Variants in KDM4C observed in about 807,000 individuals in gnomAD.
KDM4C encodes lysine demethylase 4C, also known as lysine-specific demethylase 4C.
A neutral mutation model predicts 129.3 loss-of-function variants in KDM4C; 81 were observed. That is an observed-to-expected ratio of 0.63 (90% CI 0.52 to 0.75). The LOEUF (loss-of-function observed/expected upper bound fraction) is 0.75, where lower values mean the gene tolerates loss of function less well. Ranked by LOEUF, KDM4C falls within the 30% of genes least tolerant of loss-of-function variation. The pLI, the probability that KDM4C is intolerant of heterozygous loss-of-function variation, is 0.00. For synonymous variants in KDM4C, 573 were observed against 456.1 expected, an observed-to-expected ratio of 1.26 and a Z score of -3.26; for missense variants, 1,457 against 1,304.0, an observed-to-expected ratio of 1.12 and a Z score of -1.81.
rs535486249 is a variant in KDM4C at position 6,836,688 on chromosome 9, G to A, written c.436-12819G>A. Reference sequence around the variant, plus strand: ...CTTATTTTTGACCTTATTAAAAATAGTATCACTTTGTGTAGTTTTCTGGGT... The same window carrying A: ...CTTATTTTTGACCTTATTAAAAATAATATCACTTTGTGTAGTTTTCTGGGT... On this transcript the variant is annotated intron_variant, in intron 4 of 21. Coordinates refer to ENST00000381309, the MANE Select transcript of KDM4C (RefSeq NM_015061.6). Among the ~76,000 whole-genome samples, 44 of 152,288 alleles carry A rather than the reference G, an allele frequency of 2.9e-4. No individual in the cohort carries two copies. The South Asian group carries it at 8.9e-3, about 31-fold the overall frequency.
intron 4 of KDM4C, among the ~76,000 whole-genome samples, chr9:6,831,362 T>C (rs1382270525): frequency 7.8e-6 from 1 of 127,742 alleles, no homozygotes; most frequent in African/African-American, 3.5e-5. Flanking sequence ...GATGAGATCT[T>C]TTTTATTTTT....
chr9:6,802,105 C>CAA (rs34465609), intron 2 of KDM4C, among the ~76,000 whole-genome samples: 45 of 117,748 alleles, frequency 3.8e-4, no homozygotes, highest in South Asian at 1.3e-3. Flanking sequence ...AACTTTGTCT[C>CAA]AAAAAAAAAA....
intron 3 of KDM4C, among the ~76,000 whole-genome samples, chr9:6,810,946 A>G (rs1273693539): frequency 1.3e-5 from 2 of 152,168 alleles, no homozygotes; most frequent in Non-Finnish European, 2.9e-5. Context: ...AATTGTTGTA[A>G]TGTTAAACAA....
At chr9:6,807,432 G>A (rs373164655) in intron 3 of KDM4C, among the ~76,000 whole-genome samples, 24,708 of 141,838 alleles carry the variant, frequency 0.17, 2,097 homozygotes, top group Middle Eastern at 0.21. Context: ...CATCTAGGAA[G>A]TGAGGAGCGC....
chr9:6,958,202 C>G (rs1279515237), intron 8 of KDM4C, among the ~76,000 whole-genome samples: 1 of 151,790 alleles, frequency 6.6e-6, no homozygotes, highest in Non-Finnish European at 1.5e-5. Flanking sequence ...CCTGTTAACT[C>G]TGCAGTCTTG....
At chr9:6,807,096 G>C (rs900230890) in intron 3 of KDM4C, among the ~76,000 whole-genome samples, 1 of 151,936 alleles carries the variant, frequency 6.6e-6, no homozygotes, top group Non-Finnish European at 1.5e-5. Flanking sequence ...CGCTGTGTTG[G>C]CCGGGCCGGT....
chr9:6,777,979 G>A (rs1412230921), intron 1 of KDM4C, among the ~76,000 whole-genome samples: 1 of 150,440 alleles, frequency 6.6e-6, no homozygotes, highest in African/African-American at 2.5e-5. Context: ...GGAGTGCAGT[G>A]GCAAAATCAT....
At chr9:7,018,832 C>G (rs979213362) in intron 15 of KDM4C, among the ~76,000 whole-genome samples, 1 of 152,186 alleles carries the variant, frequency 6.6e-6, no homozygotes, top group Non-Finnish European at 1.5e-5. Context: ...CTTAAAGCAT[C>G]TTTCTATTAA....
chr9:6,879,795 T>G (rs1259635496), intron 5 of KDM4C, among the ~76,000 whole-genome samples: 1 of 152,176 alleles, frequency 6.6e-6, no homozygotes, highest in East Asian at 1.9e-4. Context: ...CATGATGAGT[T>G]GTGACATTGA....
intron 8 of KDM4C, among the ~76,000 whole-genome samples, chr9:6,913,244 T>A (rs1819652142): frequency 6.6e-6 from 1 of 152,034 alleles, no homozygotes; most frequent in African/African-American, 2.4e-5. Context: ...CCCAGGGATA[T>A]GAAATGAAAA....
intron 1 of KDM4C, among the ~76,000 whole-genome samples, chr9:6,762,049 C>T (rs1228136657): frequency 6.6e-6 from 1 of 152,024 alleles, no homozygotes; most frequent in Non-Finnish European, 1.5e-5. Context: ...CCGCCTGCCT[C>T]GGCCTCCCAA....
intron 5 of KDM4C, among the ~76,000 whole-genome samples, chr9:6,871,072 C>A (rs1468903138): frequency 6.6e-6 from 1 of 152,196 alleles, no homozygotes; most frequent in African/African-American, 2.4e-5. Flanking sequence ...CCTAAACACA[C>A]AGCCCCAGGG....
chr9:6,986,851 T>A (rs553326150), intron 11 of KDM4C, 185 bp downstream of exon 11: 3 of 518,692 alleles, frequency 5.8e-6, no homozygotes, highest in African/African-American at 3.8e-5. Context: ...GCTCACATAG[T>A]GATAATTTAG....
chr9:6,927,160 C>G (rs191482335), intron 8 of KDM4C, among the ~76,000 whole-genome samples: 22 of 150,872 alleles, frequency 1.5e-4, no homozygotes, highest in Non-Finnish European at 1.5e-5. Context: ...GACAGAGTCT[C>G]TCTTTGTTGC....
chr9:6,865,319 T>C (rs1212261377), intron 5 of KDM4C, among the ~76,000 whole-genome samples: 2 of 152,208 alleles, frequency 1.3e-5, no homozygotes, highest in East Asian at 3.9e-4. Context: ...TTGTTAAATT[T>C]CTTTGATAAA....
chr9:6,943,107 A>G (rs1160206146), intron 8 of KDM4C, among the ~76,000 whole-genome samples: 1 of 152,058 alleles, frequency 6.6e-6, no homozygotes, highest in Non-Finnish European at 1.5e-5. Flanking sequence ...GAGTCAAGCA[A>G]TCCTCCTGCC....
chr9:6,919,926 A>C (rs932689948), intron 8 of KDM4C, among the ~76,000 whole-genome samples: 1 of 152,114 alleles, frequency 6.6e-6, no homozygotes, highest in Non-Finnish European at 1.5e-5. Flanking sequence ...TACCTACTCC[A>C]TGCTATCAGA....
At chr9:7,150,662 C>A (rs1842647204) in intron 19 of KDM4C, among the ~76,000 whole-genome samples, 1 of 152,206 alleles carries the variant, frequency 6.6e-6, no homozygotes, top group Admixed American at 6.5e-5. Flanking sequence ...CTTGTGCCCA[C>A]ATTGCCTTCC....
At chr9:6,952,430 T>A (rs867677747) in intron 8 of KDM4C, among the ~76,000 whole-genome samples, 5 of 138,706 alleles carry the variant, frequency 3.6e-5, no homozygotes, top group South Asian at 2.3e-4. Context: ...TATATATATA[T>A]AATAATAATT....
Sources: gnomAD v4.1 joint callset for allele counts (sites outside exome capture counted in the v4.1 genomes callset) on GRCh38, gnomAD v4.1.1 for gene constraint, MANE v1.5 for transcripts, NCBI Gene and HGNC (gene_info 2026-07-23, HGNC 2026-07-21) for gene names.